The following TRIO variants were observed in gnomAD, a reference collection of about 807,000 sequenced individuals.
The protein encoded by TRIO is trio Rho guanine nucleotide exchange factor.
A neutral mutation model predicts 351.9 loss-of-function variants in TRIO; 58 were observed. That is an observed-to-expected ratio of 0.16 (90% CI 0.13 to 0.21). TRIO has a LOEUF of 0.21. TRIO is among the 10% of genes least tolerant of loss of function. The pLI is 1.00. For missense variants in TRIO, 3,201 were observed against 4,027.8 expected, an observed-to-expected ratio of 0.79 and a Z score of 5.56; for synonymous variants, 1,758 against 1,595.7, an observed-to-expected ratio of 1.10 and a Z score of -2.42.
chr5:14,494,493 C>T (rs1756729483), intron 49 of TRIO, among the ~76,000 whole-genome samples: 1 of 152,248 alleles, frequency 6.6e-6, no homozygotes, highest in South Asian at 2.1e-4. Flanking sequence ...CACCCAAGAG[C>T]TCCGATGGAG....
rs767259130 is a variant in TRIO, at chr5:14,336,616, T to A, written c.1935T>A (p.Ile645=). Reference sequence around the variant, plus strand: ...CTGGGGAATGTGACCCCGAAGAGATTTATCAGGCTGCCCATCAGCTGGAAG... The same window carrying A: ...CTGGGGAATGTGACCCCGAAGAGATATATCAGGCTGCCCATCAGCTGGAAG... The part of the protein sequence containing the change: ...AQTGECDPEE[I]YQAAHQLEDR... Residue 645 remains isoleucine, a synonymous_variant, in exon 11 of 57, where the codon ATT becomes ATA. Transcript: ENST00000344204. 2 of 1,614,132 alleles carry A rather than the reference T, an allele frequency of 1.2e-6. No homozygotes were observed. Among genetic ancestry groups the A allele is most frequent in the East Asian group, 2.2e-5 (1 of 44,880 alleles).
At chr5:14,414,362 A>G (rs541590669) in intron 33 of TRIO, among the ~76,000 whole-genome samples, 46 of 152,212 alleles carry the variant, frequency 3.0e-4, no homozygotes, top group Non-Finnish European at 6.0e-4. Context: ...TGGTTTGCCT[A>G]CCCTTTTTAG....
Position 14,364,761 on chromosome 5 carries a change from G to A in TRIO, c.2699G>A (p.Arg900Gln), listed in dbSNP as rs1179962549. The A allele has an allele frequency of 2.5e-6, 4 of 1,612,410 alleles. No individual in the cohort carries two copies. The highest frequency in any genetic ancestry group is 3.4e-6 in the Non-Finnish European group (4 of 1,179,994). ...QELDLAAEQH[R>Q]KHLEQCVQLR... ...TTGGATTTAGCCGCAGAGCAGCATC[G>A]GAAACACCTGGAGCAGTGCGTGCAG... The change falls in exon 15 of 57, where the codon CGG (arginine) becomes CAG (glutamine). Residue 900 changes from arginine (R) to glutamine (Q), a missense_variant. Coordinates refer to ENST00000344204, the MANE Select transcript of TRIO (RefSeq NM_007118.4).
chr5:14,272,992 C>T (rs1279667868), intron 2 of TRIO, among the ~76,000 whole-genome samples: 3 of 152,020 alleles, frequency 2.0e-5, no homozygotes, highest in African/African-American at 4.8e-5. Context: ...CTTTTTAAAA[C>T]GTGTGATTCA....
intron 53 of TRIO, 39 bp from the exon 54 acceptor site, chr5:14,502,540 A>G (rs754916227): frequency 1.2e-6 from 2 of 1,610,462 alleles, no homozygotes; most frequent in Middle Eastern, 1.7e-4. Context: ...AAGAAGCTCC[A>G]CGGGAAACAA....
chr5:14,298,308 T>C (rs1474485105), intron 7 of TRIO, among the ~76,000 whole-genome samples: 1 of 152,172 alleles, frequency 6.6e-6, no homozygotes, highest in Non-Finnish European at 1.5e-5. Context: ...TGCTCATGAC[T>C]CAGAGTTTAT....
intron 48 of TRIO, chr5:14,490,768 C>A: frequency 2.2e-6 from 1 of 455,526 alleles, no homozygotes; most frequent in Middle Eastern, 3.7e-4. Flanking sequence ...GCAAAATACT[C>A]TAATTATGAG....
At chr5:14,482,802 G>T (rs956973950) in intron 46 of TRIO, 29 bp downstream of exon 46, 11 of 1,500,406 alleles carry the variant, frequency 7.3e-6, no homozygotes, top group Non-Finnish European at 9.9e-6. Context: ...TGATTTCTCT[G>T]TGCCAGCGCA....
At chr5:14,481,776 T>TC in intron 45 of TRIO, 158 bp downstream of exon 45, 1 of 485,678 alleles carries the variant, frequency 2.1e-6, no homozygotes, top group Admixed American at 4.5e-5. Flanking sequence ...ATTTCCTTTT[T>TC]TTTTTTTTTT....
intron 34 of TRIO, among the ~76,000 whole-genome samples, chr5:14,423,420 A>C (rs1463117950): frequency 1.3e-5 from 2 of 152,198 alleles, no homozygotes; most frequent in Non-Finnish European, 1.5e-5. Flanking sequence ...CATTGTCTCA[A>C]CTTGTAAAAC....
At chr5:14,448,632 C>G (rs967700768) in intron 34 of TRIO, among the ~76,000 whole-genome samples, 1 of 152,348 alleles carries the variant, frequency 6.6e-6, no homozygotes, top group Middle Eastern at 3.4e-3. Flanking sequence ...TCCACTACCC[C>G]CAGCCAGTAC....
Position 14,283,763 on chromosome 5 carries a change from T to TAAAC in TRIO, c.348-3089_348-3086dup, listed in dbSNP as rs545529035. Among the ~76,000 whole-genome samples the TAAAC allele has an allele frequency of 2.6e-3, 401 of 151,600 alleles. 1 individual carries two copies. The highest frequency in any genetic ancestry group is 8.1e-3 in the African/African-American group (335 of 41,240). ...TCGCCCCTCCCTGCCCTTTTTTTTT[T>TAAAC]AAACAAACAAACAAACAAACAATTG... On this transcript the variant is annotated intron_variant, in intron 3 of 56. Coordinates refer to ENST00000344204, the MANE Select transcript of TRIO (RefSeq NM_007118.4).
At chr5:14,207,824 A>G (rs1791640479) in intron 1 of TRIO, among the ~76,000 whole-genome samples, 1 of 152,244 alleles carries the variant, frequency 6.6e-6, no homozygotes, top group Non-Finnish European at 1.5e-5. Context: ...AACTTTTATA[A>G]CACAATAAAA....
At chr5:14,478,319 A>G (rs755603340) in intron 41 of TRIO, among the ~76,000 whole-genome samples, 8 of 152,236 alleles carry the variant, frequency 5.3e-5, no homozygotes, top group Non-Finnish European at 1.2e-4. Flanking sequence ...AATTTGTGGC[A>G]GTGAAGAGTT....
At position 14,461,394 on chromosome 5, in the gene TRIO, T is replaced by G. The variant is rs537251325; in HGVS notation, c.5496+83T>G. ...CAAGAATAGTTGCTGATCTTATGAG[T>G]AAACTGGTTTGGTTCTGTTTTCCGC... On this transcript the variant is annotated intron_variant, in intron 35 of 56. Coordinates refer to ENST00000344204, the MANE Select transcript of TRIO (RefSeq NM_007118.4). The G allele has an allele frequency of 2.3e-5, 32 of 1,414,006 alleles. No homozygotes were observed. In the Admixed American group the frequency reaches 7.0e-4, roughly 31 times the overall value. 87.6% of individuals were successfully genotyped at this position (1,414,006 alleles called of 1,614,324 possible).
At chr5:14,247,382 A>C (rs1794500655) in intron 1 of TRIO, among the ~76,000 whole-genome samples, 1 of 152,258 alleles carries the variant, frequency 6.6e-6, no homozygotes, top group Admixed American at 6.5e-5. Context: ...CAAATGTAGA[A>C]ATATACTTTT....
chr5:14,204,984 AC>A lies in TRIO; in HGVS notation c.157+61106del, dbSNP rs147909810. ...GTAGAAGTCTGGGATGCGTGGTGTC[AC>A]CCCTTCTTCAGGGTTCCTCTTCCAA... On this transcript the variant is annotated intron_variant, in intron 1 of 56. Coordinates refer to ENST00000344204, the MANE Select transcript of TRIO (RefSeq NM_007118.4). Among the ~76,000 whole-genome samples the A allele has an allele frequency of 9.5e-3, 1,447 of 152,124 alleles. 19 individuals are homozygous for A. Among genetic ancestry groups the A allele is most frequent in the African/African-American group, 0.033 (1,357 of 41,492 alleles).
Position 14,330,815 on chromosome 5 carries a change from T to G in TRIO, c.1769T>G (p.Leu590Arg). 6.2e-7 allele frequency: 1 copy of G among 1,614,190 alleles called. No individual in the cohort carries two copies. Among genetic ancestry groups the G allele is most frequent in the Non-Finnish European group, 8.5e-7 (1 of 1,179,986 alleles). Residue 590 changes from leucine to arginine, a missense_variant, in exon 10 of 57, where the codon CTG (leucine) becomes CGG (arginine). This residue lies in a region of TRIO where 38 missense variants were observed against 93.4 expected (regional missense o/e 0.41). Transcript: ENST00000344204. ...ATCGAGAACCACGGAGAAGCATTTC[T>G]GAGCAAACATACAGGTGTGGGGAAA... ...DWIENHGEAF[L>R]SKHTGVGKSL...
intron 1 of TRIO, among the ~76,000 whole-genome samples, chr5:14,235,304 C>G (rs1203493055): frequency 6.6e-6 from 1 of 152,040 alleles, no homozygotes; most frequent in Non-Finnish European, 1.5e-5. Context: ...AATGTAAATT[C>G]CAGAAATAAA....
Sources: allele counts gnomAD v4.1 joint callset (sites outside exome capture counted in the v4.1 genomes callset), GRCh38; gene constraint gnomAD v4.1.1; regional missense constraint gnomAD v4.1.1; transcripts MANE v1.5; gene names NCBI Gene and HGNC (gene_info 2026-07-23, HGNC 2026-07-21).